Variants in KCNJ6 observed in about 807,000 individuals in gnomAD.
KCNJ6 encodes the protein potassium inwardly rectifying channel subfamily J member 6.
In KCNJ6, 9 loss-of-function variants were observed where a neutral mutation model predicts 34.2. The ratio of observed to expected loss-of-function variants is 0.26; its 90% CI spans 0.16 to 0.46. KCNJ6 has a LOEUF of 0.46. Ranked by LOEUF, KCNJ6 falls within the 20% of genes least tolerant of loss-of-function variation. The pLI, the probability that KCNJ6 is intolerant of heterozygous loss-of-function variation, is 1.00. For synonymous variants in KCNJ6, 196 were observed against 207.1 expected, an observed-to-expected ratio of 0.95 and a Z score of 0.46; for missense variants, 236 against 531.3, an observed-to-expected ratio of 0.44 and a Z score of 5.46.
intron 2 of KCNJ6, among the ~76,000 whole-genome samples, chr21:37,834,406 G>A (rs747637196): frequency 6.6e-5 from 10 of 152,196 alleles, no homozygotes; most frequent in Non-Finnish European, 4.4e-5. Context: ...GGAGCACACT[G>A]GGGTCTGTAA....
intron 3 of KCNJ6, among the ~76,000 whole-genome samples, chr21:37,645,010 C>T (rs2054397231): frequency 8.0e-6 from 1 of 124,396 alleles, no homozygotes; most frequent in African/African-American, 3.0e-5. Flanking sequence ...TGCAAGAAAA[C>T]AGGTGGGTTT....
rs1378518033 is a variant in KCNJ6 at position 37,807,611 on chromosome 21, C to T, written c.25+33047G>A. Among the ~76,000 whole-genome samples the T allele has an allele frequency of 1.1e-4, 16 of 152,268 alleles. No homozygotes were observed. In the South Asian group the frequency reaches 3.1e-3, roughly 30 times the overall value. ...TGTTCCAATTTCCTACAGTAGTTAGCGCAGTAACATGCTACACAGGCTTGT... is the reference window on the plus strand; with the variant it reads ...TGTTCCAATTTCCTACAGTAGTTAGTGCAGTAACATGCTACACAGGCTTGT... On this transcript the variant is annotated intron_variant, in intron 2 of 3. Transcript: ENST00000609713.
chr21:37,712,457 C>G (rs1035820064), intron 3 of KCNJ6, among the ~76,000 whole-genome samples: 9 of 112,164 alleles, frequency 8.0e-5, no homozygotes, highest in Admixed American at 2.8e-4. Flanking sequence ...CCCCAGCCTC[C>G]CCTCCTCCTC....
At chr21:37,827,166 C>T (rs777537195) in intron 2 of KCNJ6, among the ~76,000 whole-genome samples, 2 of 152,144 alleles carry the variant, frequency 1.3e-5, no homozygotes, top group Non-Finnish European at 2.9e-5. Context: ...TTGGGTTTGA[C>T]TTCAGGAAAT....
At chr21:37,914,130 G>A (rs771664370) in intron 1 of KCNJ6, among the ~76,000 whole-genome samples, 11 of 151,670 alleles carry the variant, frequency 7.3e-5, no homozygotes, top group Non-Finnish European at 1.6e-4. Flanking sequence ...GTCTTTCCCT[G>A]TCCCAGTGTT....
intron 2 of KCNJ6, among the ~76,000 whole-genome samples, chr21:37,723,225 A>G (rs1167917239): frequency 6.6e-6 from 1 of 152,244 alleles, no homozygotes; most frequent in Non-Finnish European, 1.5e-5. Flanking sequence ...CCGCAGTGAG[A>G]TACCTTCTCA....
Position 37,914,008 on chromosome 21 carries a change from G to GGTGTGTGGGTGTGTGT in KCNJ6, c.-28+1875_-28+1876insACACACACCCACACAC, listed in dbSNP as rs1555855559. 1.6e-3 allele frequency among the ~76,000 whole-genome samples: 213 copies of GGTGTGTGGGTGTGTGT among 135,576 alleles called. 1 individual carries two copies. The highest frequency in any genetic ancestry group is 4.2e-3 in the South Asian group (16 of 3,840). The allele number at this position is 135,576 out of a possible 152,430, so 88.9% of individuals were successfully genotyped here. A position where few individuals can be genotyped will look rare whatever the true frequency, so the allele number is the denominator to read the frequency against. ...GCAACCCTCGTCAGAGGCGGATCGG[G>GGTGTGTGGGTGTGTGT]GTGTGTGTGTGTGTGTGTGTGTGTG... is the stretch of plus-strand genomic sequence containing the variant. On this transcript the variant is annotated intron_variant, in intron 1 of 3. Transcript: ENST00000609713.
At chr21:37,665,866 G>A (rs2054511626) in intron 3 of KCNJ6, among the ~76,000 whole-genome samples, 1 of 152,106 alleles carries the variant, frequency 6.6e-6, no homozygotes, top group Non-Finnish European at 1.5e-5. Flanking sequence ...AGGTTTGCTT[G>A]TTTAGTTACT....
chr21:37,701,935 T>C (rs1036206007), intron 3 of KCNJ6, among the ~76,000 whole-genome samples: 1 of 152,134 alleles, frequency 6.6e-6, no homozygotes, highest in East Asian at 1.9e-4. Context: ...ATTTATGTCT[T>C]ACTAAGAGTG....
chr21:37,796,576 C>T (rs1320821107), intron 2 of KCNJ6, among the ~76,000 whole-genome samples: 1 of 152,050 alleles, frequency 6.6e-6, no homozygotes, highest in African/African-American at 2.4e-5. Flanking sequence ...GAGGTCCCTC[C>T]TGGTTCTCAT....
At position 37,625,195 on chromosome 21, in the gene KCNJ6, A is replaced by T. The variant is rs754299425; in HGVS notation, c.1236T>A (p.Gly412=). The change falls in exon 4 of 4, where the codon GGT becomes GGA. Residue 412 remains glycine, a synonymous_variant. Coordinates refer to ENST00000609713, the MANE Select transcript of KCNJ6 (RefSeq NM_002240.5). The part of the protein sequence containing the change: ...KNLEEQTERN[G]DVANLENESK... The stretch of plus-strand genomic sequence containing the variant: ...ATTCATTCTCCAGGTTTGCCACATC[A>T]CCATTTCTTTCTGTTTGCTCTTCGA... 1 of 1,614,186 alleles carries T rather than the reference A, an allele frequency of 6.2e-7. No homozygotes were observed. Among genetic ancestry groups the T allele is most frequent in the South Asian group, 1.1e-5 (1 of 91,086 alleles).
chr21:37,908,027 A>C (rs1332633067), intron 1 of KCNJ6, among the ~76,000 whole-genome samples: 1 of 152,242 alleles, frequency 6.6e-6, no homozygotes, highest in African/African-American at 2.4e-5. Flanking sequence ...AGAGTTTTCT[A>C]ATCCAGTATT....
intron 3 of KCNJ6, among the ~76,000 whole-genome samples, chr21:37,631,554 A>G (rs1257979139): frequency 1.3e-5 from 2 of 151,928 alleles, no homozygotes; most frequent in Admixed American, 6.6e-5. Flanking sequence ...AAGACTCTAG[A>G]AAGTTCACAA....
rs2054267242 is a variant in KCNJ6, at chr21:37,616,528, T to G, written c.*8631A>C. ...CTCGTCAGTTACCGGGCTGAGACCA[T>G]GTATACGCCCAACCATCACTCATAG... is the stretch of plus-strand genomic sequence containing the variant. On this transcript the variant is annotated 3_prime_UTR_variant, in exon 4 of 4. Transcript: ENST00000609713. 6.9e-6 allele frequency: 1 copy of G among 144,562 alleles called. No individual in the cohort carries two copies. The highest frequency in any genetic ancestry group is 7.1e-5 in the Admixed American group (1 of 13,992). 9.0% of individuals were successfully genotyped at this position (144,562 alleles called of 1,614,324 possible).
At chr21:37,770,578 A>G (rs1001362136) in intron 2 of KCNJ6, among the ~76,000 whole-genome samples, 1 of 152,196 alleles carries the variant, frequency 6.6e-6, no homozygotes, top group African/African-American at 2.4e-5. Context: ...TGAATGTCAC[A>G]ATGGAAAATT....
intron 1 of KCNJ6, among the ~76,000 whole-genome samples, chr21:37,878,664 T>A (rs1036651335): frequency 6.6e-6 from 1 of 152,256 alleles, no homozygotes; most frequent in Non-Finnish European, 1.5e-5. Context: ...TTTTGCCCGG[T>A]TGAAATTTGA....
At chr21:37,665,191 T>G (rs920325460) in intron 3 of KCNJ6, among the ~76,000 whole-genome samples, 1 of 152,088 alleles carries the variant, frequency 6.6e-6, no homozygotes, top group South Asian at 2.1e-4. Flanking sequence ...AAGCAGATAA[T>G]GAATAGAAGT....
chr21:37,680,808 T>C (rs1396947589), intron 3 of KCNJ6, among the ~76,000 whole-genome samples: 1 of 152,192 alleles, frequency 6.6e-6, no homozygotes, highest in African/African-American at 2.4e-5. Flanking sequence ...AAATCATGTA[T>C]ATTTGTATCT....
chr21:37,723,022 T>C (rs750243122), intron 2 of KCNJ6, among the ~76,000 whole-genome samples: 5 of 152,106 alleles, frequency 3.3e-5, no homozygotes, highest in African/African-American at 4.8e-5. Context: ...GGAGATAATA[T>C]TGGCAAACTG....
Sources: allele counts gnomAD v4.1 joint callset (sites outside exome capture counted in the v4.1 genomes callset), GRCh38; gene constraint gnomAD v4.1.1; transcripts MANE v1.5; gene names NCBI Gene and HGNC (gene_info 2026-07-23, HGNC 2026-07-21).